Variants in RGS7 observed in about 807,000 individuals in gnomAD.
The protein encoded by RGS7 is regulator of G protein signaling 7, also known as regulator of G-protein signaling 7.
RGS7 carries 27 observed loss-of-function variants against 81.1 expected under a neutral mutation model. The observed-to-expected ratio is 0.33, with a 90% confidence interval of 0.25 to 0.46. RGS7 has a LOEUF of 0.46. Among genes scored for constraint, RGS7 ranks in the 20% least tolerant of loss-of-function variants. RGS7 has a pLI of 1.00. For missense variants in RGS7, 396 were observed against 607.4 expected (o/e 0.65, Z 3.66); for synonymous variants, 208 against 207.7 (o/e 1.00, Z -0.01).
At chr1:241,317,279 G>A (rs2080938064) in intron 2 of RGS7, among the ~76,000 whole-genome samples, 1 of 152,212 alleles carries the variant, frequency 6.6e-6, no homozygotes, top group South Asian at 2.1e-4. Flanking sequence ...ATAATTTAAT[G>A]AACTATAAGT....
chr1:241,124,433 A>G (rs1174299354), intron 2 of RGS7, among the ~76,000 whole-genome samples: 1 of 152,168 alleles, frequency 6.6e-6, no homozygotes, highest in African/African-American at 2.4e-5. Flanking sequence ...AGAACCAGAA[A>G]ATGCATTTTT....
At position 240,978,664 on chromosome 1, in the gene RGS7, G is replaced by A. The variant is rs188783515; in HGVS notation, c.226+4415C>T. 9.2e-3 allele frequency among the ~76,000 whole-genome samples: 1,407 copies of A among 152,234 alleles called. 12 individuals carry two copies. Among genetic ancestry groups the A allele is most frequent in the Admixed American group, 0.013 (203 of 15,286 alleles). On this transcript the variant is annotated intron_variant, in intron 4 of 18. Transcript: ENST00000440928. ...TAATAATCGAGATGTAGAAAAGAGT[G>A]AAGCATATCAGTAAATGTTGTTTCA...
At chr1:240,912,240 T>C (rs1300764404) in intron 6 of RGS7, among the ~76,000 whole-genome samples, 3 of 151,542 alleles carry the variant, frequency 2.0e-5, no homozygotes, top group Admixed American at 2.0e-4. Context: ...CTGGTAAGTG[T>C]TATTCCAATT....
intron 4 of RGS7, among the ~76,000 whole-genome samples, chr1:240,976,619 G>C (rs1684099923): frequency 6.6e-6 from 1 of 152,130 alleles, no homozygotes; most frequent in Admixed American, 6.5e-5. Flanking sequence ...TCTGCCACCA[G>C]ACCTCCTTAA....
chr1:241,010,043 G>C (rs1234928781), intron 3 of RGS7, among the ~76,000 whole-genome samples: 1 of 152,164 alleles, frequency 6.6e-6, no homozygotes, highest in African/African-American at 2.4e-5. Context: ...AGCGGGTGTG[G>C]GGCTGGGGGA....
At chr1:241,291,465 A>G (rs2079079981) in intron 2 of RGS7, among the ~76,000 whole-genome samples, 1 of 151,234 alleles carries the variant, frequency 6.6e-6, no homozygotes, top group East Asian at 2.0e-4. Flanking sequence ...GGAAAACAGT[A>G]TATTGTCCAG....
chr1:241,197,086 T>A (rs1262422484), intron 2 of RGS7, among the ~76,000 whole-genome samples: 1 of 150,966 alleles, frequency 6.6e-6, no homozygotes, highest in African/African-American at 2.4e-5. Context: ...ATCAATAACA[T>A]TAAATGTAAA....
intron 3 of RGS7, among the ~76,000 whole-genome samples, chr1:241,007,914 G>A (rs758771551): frequency 1.3e-5 from 2 of 152,170 alleles, no homozygotes; most frequent in Non-Finnish European, 2.9e-5. Context: ...GACAACAGGT[G>A]GTTTTAAGGT....
chr1:241,270,176 C>G (rs892538499), intron 2 of RGS7, among the ~76,000 whole-genome samples: 1 of 152,162 alleles, frequency 6.6e-6, no homozygotes, highest in African/African-American at 2.4e-5. Context: ...AATGCTGGCC[C>G]CTGCATCCCT....
At chr1:241,209,740 G>A (rs867668771) in intron 2 of RGS7, among the ~76,000 whole-genome samples, 5 of 152,246 alleles carry the variant, frequency 3.3e-5, no homozygotes, top group Middle Eastern at 6.8e-3. Flanking sequence ...AGGAGGCTGA[G>A]GTGGGAGGAT....
chr1:241,137,231 C>A (rs1314559987), intron 2 of RGS7, among the ~76,000 whole-genome samples: 1 of 151,884 alleles, frequency 6.6e-6, no homozygotes, highest in East Asian at 1.9e-4. Flanking sequence ...TTCTTTCTCT[C>A]CTGCTGTGAG....
intron 4 of RGS7, among the ~76,000 whole-genome samples, chr1:240,967,149 A>G (rs1226047682): frequency 1.3e-5 from 2 of 152,222 alleles, no homozygotes; most frequent in Non-Finnish European, 2.9e-5. Flanking sequence ...GGAAGTGGTC[A>G]ATCTTAAATT....
intron 2 of RGS7, among the ~76,000 whole-genome samples, chr1:241,324,357 C>G (rs1182336888): frequency 1.3e-5 from 2 of 151,476 alleles, no homozygotes; most frequent in Non-Finnish European, 2.9e-5. Flanking sequence ...AAAAAAGCAA[C>G]TTTTTACTTA....
intron 2 of RGS7, among the ~76,000 whole-genome samples, chr1:241,177,453 C>T (rs781626744): frequency 3.3e-5 from 5 of 152,084 alleles, no homozygotes; most frequent in Non-Finnish European, 7.4e-5. Flanking sequence ...GGGGGCCCCA[C>T]TGGCCAGATC....
intron 3 of RGS7, among the ~76,000 whole-genome samples, chr1:241,003,415 C>G (rs1022286558): frequency 2.7e-5 from 4 of 146,438 alleles, no homozygotes; most frequent in African/African-American, 1.0e-4. Context: ...GAACCGAGAT[C>G]GCGCCACTGC....
chr1:240,793,601 A>T (rs1415659030), intron 18 of RGS7, among the ~76,000 whole-genome samples: 3 of 101,946 alleles, frequency 2.9e-5, no homozygotes, highest in African/African-American at 1.9e-4. Flanking sequence ...ATATATATAT[A>T]TATATATATA....
At chr1:241,082,690 G>T (rs961741738) in intron 3 of RGS7, among the ~76,000 whole-genome samples, 7 of 152,130 alleles carry the variant, frequency 4.6e-5, no homozygotes, top group African/African-American at 1.7e-4. Flanking sequence ...TAATTGTTGT[G>T]TATTTCAAAA....
intron 4 of RGS7, among the ~76,000 whole-genome samples, chr1:240,950,664 TA>T (rs1224808903): frequency 3.3e-5 from 5 of 152,160 alleles, no homozygotes; most frequent in African/African-American, 1.2e-4. Context: ...CTATCCACCA[TA>T]CCTATAGGCT....
chr1:241,111,652 A>T (rs2065522829), intron 2 of RGS7, among the ~76,000 whole-genome samples: 1 of 152,116 alleles, frequency 6.6e-6, no homozygotes, highest in African/African-American at 2.4e-5. Flanking sequence ...TGTAAAAACA[A>T]TCCAGTCTAT....
Sources: gnomAD v4.1 joint callset for allele counts (sites outside exome capture counted in the v4.1 genomes callset) on GRCh38, gnomAD v4.1.1 for gene constraint, MANE v1.5 for transcripts, NCBI Gene and HGNC (gene_info 2026-07-23, HGNC 2026-07-21) for gene names.